Variants in AFF3 observed in about 807,000 individuals in gnomAD.
AFF3 encodes ALF transcription elongation factor 3, also known as AF4/FMR2 family member 3.
Under a neutral mutation model 129.7 loss-of-function variants are expected in AFF3, and 32 were observed. The ratio of observed to expected loss-of-function variants is 0.25; its 90% confidence interval spans 0.19 to 0.33. AFF3 has a LOEUF of 0.33. Among genes scored for constraint, AFF3 ranks in the 10% least tolerant of loss-of-function variants. The pLI is 1.00. For missense variants in AFF3, 1,373 were observed against 1,592.0 expected, an observed-to-expected ratio of 0.86 and a Z score of 2.34; for synonymous variants, 644 against 635.4, an observed-to-expected ratio of 1.01 and a Z score of -0.20.
At chr2:100,106,878 G>A in intron 2 of AFF3, 1 of 985,542 alleles carries the variant, frequency 1.0e-6, no homozygotes. Flanking sequence ...AAAGGAAAGA[G>A]GGAAGGCCCT....
At chr2:99,931,544 T>C (rs1009482834) in intron 7 of AFF3, among the ~76,000 whole-genome samples, 3 of 152,214 alleles carry the variant, frequency 2.0e-5, no homozygotes, top group Non-Finnish European at 2.9e-5. Flanking sequence ...ATTAACTACT[T>C]AAAACAACAG....
At chr2:99,932,792 G>T (rs1435458958) in intron 7 of AFF3, among the ~76,000 whole-genome samples, 1 of 152,180 alleles carries the variant, frequency 6.6e-6, no homozygotes, top group Non-Finnish European at 1.5e-5. Context: ...GAGTTTTAAT[G>T]ACTACAGAGA....
chr2:99,884,957 G>C (rs896263340), intron 7 of AFF3, among the ~76,000 whole-genome samples: 1 of 152,074 alleles, frequency 6.6e-6, no homozygotes, highest in Non-Finnish European at 1.5e-5. Flanking sequence ...AGCCAGAAAT[G>C]TCTCCCATAT....
At chr2:99,941,066 A>G (rs1187387827) in intron 7 of AFF3, among the ~76,000 whole-genome samples, 1 of 152,176 alleles carries the variant, frequency 6.6e-6, no homozygotes, top group Non-Finnish European at 1.5e-5. Flanking sequence ...GAGCATTCCC[A>G]GGCAGCACAG....
chr2:99,592,155 C>G (rs987000833), intron 15 of AFF3, among the ~76,000 whole-genome samples: 6 of 152,164 alleles, frequency 3.9e-5, no homozygotes, highest in African/African-American at 9.7e-5. Flanking sequence ...TTAAGGTATT[C>G]CCCTGCACAA....
rs901426482 is a variant in AFF3 at position 99,548,734 on chromosome 2, C to T, written c.*2740G>A. ...TTCCAGCTTGGGCTACAGAGCCAGA[C>T]CCGGTCTCAAAACCAACCAAACCAA... On this transcript the variant is annotated 3_prime_UTR_variant, in exon 25 of 25. Transcript: ENST00000672756. The T allele has an allele frequency of 1.3e-5, 3 of 229,478 alleles. No homozygotes were observed. Among genetic ancestry groups the T allele is most frequent in the African/African-American group, 2.2e-5 (1 of 45,124 alleles). 14.2% of individuals were successfully genotyped at this position (229,478 alleles called of 1,614,324 possible). A position where few individuals can be genotyped will look rare whatever the true frequency, so the allele number is the denominator to read the frequency against.
intron 4 of AFF3, among the ~76,000 whole-genome samples, chr2:100,071,674 C>T (rs1010188922): frequency 2.0e-5 from 3 of 152,058 alleles, no homozygotes; most frequent in African/African-American, 4.8e-5. Flanking sequence ...GCTGGCATGG[C>T]GATTGGTGGG....
At chr2:100,063,108 A>T (rs532540038) in intron 4 of AFF3, among the ~76,000 whole-genome samples, 141 of 152,102 alleles carry the variant, frequency 9.3e-4, no homozygotes, top group Non-Finnish European at 1.7e-3. Flanking sequence ...AAAATTAGCC[A>T]GGCGTGGTGG....
At chr2:99,709,738 T>A (rs759861460) in intron 11 of AFF3, among the ~76,000 whole-genome samples, 9 of 152,218 alleles carry the variant, frequency 5.9e-5, no homozygotes, top group Non-Finnish European at 8.8e-5. Context: ...TGTTTCACCC[T>A]ACTTATTATT....
chr2:99,993,516 T>C (rs1421919977), intron 7 of AFF3, among the ~76,000 whole-genome samples: 2 of 151,536 alleles, frequency 1.3e-5, no homozygotes, highest in East Asian at 1.9e-4. Context: ...ATTTTAAAAA[T>C]TAGAAAACTA....
Position 100,026,563 on chromosome 2 carries a change from A to G in AFF3, c.54-17631T>C, listed in dbSNP as rs188760189. ...CCACTACTGGGTATCTACCCAGAGGAAAAGAAGTCGTTATACGAAAAAGAT... is the reference window on the plus strand; with the variant it reads ...CCACTACTGGGTATCTACCCAGAGGGAAAGAAGTCGTTATACGAAAAAGAT... On this transcript the variant is annotated intron_variant, in intron 4 of 24. Transcript: ENST00000672756. Among the ~76,000 whole-genome samples, 108 of 152,264 alleles carry G rather than the reference A, an allele frequency of 7.1e-4. 5 individuals carry two copies. In the East Asian group the frequency reaches 0.019, roughly 27 times the overall value.
At chr2:99,980,780 A>G (rs1679329818) in intron 7 of AFF3, among the ~76,000 whole-genome samples, 1 of 152,226 alleles carries the variant, frequency 6.6e-6, no homozygotes, top group Non-Finnish European at 1.5e-5. Flanking sequence ...AGTTATTTTT[A>G]AAGTATATGA....
intron 12 of AFF3, among the ~76,000 whole-genome samples, chr2:99,662,859 C>G (rs990090502): frequency 2.0e-5 from 3 of 152,144 alleles, no homozygotes; most frequent in Non-Finnish European, 4.4e-5. Context: ...GTGAATGTCA[C>G]GCTGACTGGA....
intron 8 of AFF3, among the ~76,000 whole-genome samples, chr2:99,786,532 T>C (rs1283290223): frequency 6.6e-6 from 1 of 152,198 alleles, no homozygotes; most frequent in African/African-American, 2.4e-5. Flanking sequence ...TCTTACATGG[T>C]AATAATGCAA....
At chr2:99,860,552 T>TCAAAAGA (rs1553467885) in intron 7 of AFF3, among the ~76,000 whole-genome samples, 1 of 148,696 alleles carries the variant, frequency 6.7e-6, no homozygotes, top group Non-Finnish European at 1.5e-5. Context: ...AGACTCTGTC[T>TCAAAAGA]CAAAAAACAA....
intron 7 of AFF3, among the ~76,000 whole-genome samples, chr2:99,882,099 C>A (rs1231237061): frequency 6.6e-6 from 1 of 152,096 alleles, no homozygotes; most frequent in Non-Finnish European, 1.5e-5. Context: ...CCCCCTCACT[C>A]TCCCCACCCT....
chr2:99,594,062 T>C lies in AFF3; in HGVS notation c.1599A>G (p.Pro533=), dbSNP rs762678546. The change falls in exon 15 of 25, where the codon CCA becomes CCG. Residue 533 remains proline (P), a synonymous_variant. Coordinates refer to ENST00000672756, the MANE Select transcript of AFF3 (RefSeq NM_001386135.1). ...IKSTCKEEQR[P]RTANKAPGSK... is the part of the protein sequence containing the mutation. ...TCCCAGGGGCCTTGTTGGCTGTCCT[T>C]GGCCTTTGCTCCTCCTTGCAAGTGC... is the stretch of plus-strand genomic sequence containing the variant. 12 of 1,613,440 alleles carry C rather than the reference T, an allele frequency of 7.4e-6. No individual in the cohort carries two copies. The highest frequency in any genetic ancestry group is 1.0e-5 in the Non-Finnish European group (12 of 1,179,600).
At chr2:99,899,768 G>A (rs1326890876) in intron 7 of AFF3, among the ~76,000 whole-genome samples, 1 of 152,166 alleles carries the variant, frequency 6.6e-6, no homozygotes, top group Non-Finnish European at 1.5e-5. Flanking sequence ...AAGAAACAGA[G>A]GGGCCACAAG....
Position 100,137,536 on chromosome 2 carries a change from T to TACACACACAC in AFF3, c.-228+4938_-228+4947dup, listed in dbSNP as rs3038476. Reference sequence around the variant, plus strand: ...GCATGTGTGCACGTGCACACGTGCATACACACACACACACACACACACAGA... The same window carrying TACACACACAC: ...GCATGTGTGCACGTGCACACGTGCATACACACACACACACACACACACACACACACACAGA... On this transcript the variant is annotated intron_variant, in intron 1 of 24. Coordinates refer to ENST00000672756, the MANE Select transcript of AFF3 (RefSeq NM_001386135.1). 2.4e-3 allele frequency among the ~76,000 whole-genome samples: 349 copies of TACACACACAC among 144,120 alleles called. 1 individual carries two copies. The highest frequency in any genetic ancestry group is 3.5e-3 in the Non-Finnish European group (223 of 64,626). The allele number at this position is 144,120 out of a possible 152,430, so 94.5% of individuals were successfully genotyped here.
Sources: gnomAD v4.1 joint callset for allele counts (sites outside exome capture counted in the v4.1 genomes callset) on GRCh38, gnomAD v4.1.1 for gene constraint, MANE v1.5 for transcripts, NCBI Gene and HGNC (gene_info 2026-07-23, HGNC 2026-07-21) for gene names.